PKHD1: variants seen among roughly 807,000 people sequenced by gnomAD.
The protein encoded by PKHD1 is fibrocystin.
In PKHD1, 291 loss-of-function variants were observed where a neutral mutation model predicts 412.0. That is an observed-to-expected ratio of 0.71 (90% CI 0.64 to 0.78). The LOEUF (loss-of-function observed/expected upper bound fraction) is 0.78, where lower values mean the gene tolerates loss of function less well. Ranked by LOEUF, PKHD1 falls within the 30% of genes least tolerant of loss-of-function variation. The pLI is 0.00. For missense variants in PKHD1, 4,825 were observed against 4,950.7 expected (o/e 0.97, Z 0.76); for synonymous variants, 1,777 against 1,821.5 (o/e 0.98, Z 0.62).
At chr6:51,857,004 TGAG>T (rs2151695333) in intron 48 of PKHD1, among the ~76,000 whole-genome samples, 2 of 152,336 alleles carry the variant, frequency 1.3e-5, no homozygotes, top group African/African-American at 4.8e-5. Flanking sequence ...TTTTACCAAA[TGAG>T]GAGACTGAGG....
rs539657745 is a variant in PKHD1, at chr6:51,750,795, G to T, written c.8951-2130C>A. Reference sequence around the variant, plus strand: ...AATAAAGAATTAAGCAATTTTTTTTGAGATGGAGTTTCACTCTGTTACCCA... The same window carrying T: ...AATAAAGAATTAAGCAATTTTTTTTTAGATGGAGTTTCACTCTGTTACCCA... On this transcript the variant is annotated intron_variant, in intron 57 of 66. Coordinates refer to ENST00000371117, the MANE Select transcript of PKHD1 (RefSeq NM_138694.4). Among the ~76,000 whole-genome samples the T allele has an allele frequency of 2.2e-4, 34 of 151,328 alleles. No individual in the cohort carries two copies. In the East Asian group the frequency reaches 5.6e-3, roughly 25 times the overall value.
intron 2 of PKHD1, among the ~76,000 whole-genome samples, chr6:52,084,376 C>G (rs1307849848): frequency 6.6e-6 from 1 of 152,132 alleles, no homozygotes; most frequent in African/African-American, 2.4e-5. Context: ...AGCCCCAAAA[C>G]AAAGGCCATA....
At chr6:51,717,526 T>C (rs1373381412) in intron 60 of PKHD1, among the ~76,000 whole-genome samples, 2 of 152,314 alleles carry the variant, frequency 1.3e-5, no homozygotes, top group East Asian at 1.9e-4. Flanking sequence ...AATATCATTG[T>C]GTTATAGTTG....
At chr6:52,086,384 T>C (rs1812801815) in intron 1 of PKHD1, among the ~76,000 whole-genome samples, 2 of 152,096 alleles carry the variant, frequency 1.3e-5, no homozygotes, top group African/African-American at 4.8e-5. Context: ...GTGCTGGGAT[T>C]ACAGGCATGA....
At chr6:51,934,077 A>G in intron 37 of PKHD1, 33 bp downstream of exon 37, 5 of 1,504,910 alleles carry the variant, frequency 3.3e-6, no homozygotes, top group Non-Finnish European at 4.6e-6. Context: ...ACACAGCTCT[A>G]CTTCATTTCC....
At chr6:51,925,461 G>GTGTA (rs1554140309) in intron 37 of PKHD1, among the ~76,000 whole-genome samples, 115 of 105,464 alleles carry the variant, frequency 1.1e-3, no homozygotes, top group Middle Eastern at 8.9e-3. Context: ...GTGTATGTGT[G>GTGTA]TGTGTGTGTG....
intron 19 of PKHD1, 29 bp from the exon 20 acceptor site, chr6:52,054,194 C>T (rs759843725): frequency 6.2e-7 from 1 of 1,611,118 alleles, no homozygotes; most frequent in Non-Finnish European, 8.5e-7. Flanking sequence ...TCCTTCAGTT[C>T]TATTAGTGCA....
intron 52 of PKHD1, among the ~76,000 whole-genome samples, chr6:51,792,815 C>T (rs1793964694): frequency 1.3e-5 from 2 of 152,174 alleles, no homozygotes; most frequent in African/African-American, 4.8e-5. Context: ...GGCTCCACCA[C>T]TCTCCCTGGG....
At chr6:51,723,354 C>T (rs983799012) in intron 60 of PKHD1, among the ~76,000 whole-genome samples, 3 of 152,148 alleles carry the variant, frequency 2.0e-5, no homozygotes, top group African/African-American at 7.2e-5. Context: ...ACAGAGAAAA[C>T]CTTGTTAGTG....
At chr6:52,055,802 C>T in intron 18 of PKHD1, 73 bp from the exon 19 acceptor site, 1 of 1,506,590 alleles carries the variant, frequency 6.6e-7, no homozygotes, top group Non-Finnish European at 9.1e-7. Flanking sequence ...TACATGTGTG[C>T]ATGAGGATTT....
intron 55 of PKHD1, among the ~76,000 whole-genome samples, chr6:51,766,936 G>A (rs73426048): frequency 0.18 from 27,998 of 151,742 alleles, 3,388 homozygotes; most frequent in African/African-American, 0.34. Flanking sequence ...AGTCTTTACT[G>A]CTTTAAATTA....
rs540417377 is a variant in PKHD1 at position 51,638,872 on chromosome 6, A to C, written c.11483T>G (p.Ile3828Ser). The C allele has an allele frequency of 3.7e-6, 6 of 1,611,216 alleles. 1 individual carries two copies. The highest frequency in any genetic ancestry group is 3.3e-4 in the Middle Eastern group (2 of 6,054). ...VLISGSNWHFIFTVTSPPGVN... is the reference protein window; with the variant it reads ...VLISGSNWHFSFTVTSPPGVN... ...ACCTGGAGGAGAAGTGACAGTAAAA[A>C]TAAAGTGCCAGTTTGACCCAGAGAT... The change falls in exon 64 of 67, where the codon ATT becomes AGT. Residue 3828 changes from isoleucine (I) to serine (S), a missense_variant. By Grantham distance (142) the Ile-to-Ser change is moderately radical. Coordinates refer to ENST00000371117, the MANE Select transcript of PKHD1 (RefSeq NM_138694.4).
intron 60 of PKHD1, among the ~76,000 whole-genome samples, chr6:51,738,003 CCCA>C (rs1188508497): frequency 6.6e-6 from 1 of 151,860 alleles, no homozygotes; most frequent in African/African-American, 2.4e-5. Flanking sequence ...AACTATAAGC[CCCA>C]CGTTTACTTA....
Position 51,735,461 on chromosome 6 carries a change from T to C in PKHD1, c.10156+8924A>G, listed in dbSNP as rs17746323. ...GGCAATTATTATTATTGCTAGTTTG[T>C]TTGGATAATTGCTAGAATAATTGTA... On this transcript the variant is annotated intron_variant, in intron 60 of 66. Transcript: ENST00000371117. Among the ~76,000 whole-genome samples, 684 of 152,326 alleles carry C rather than the reference T, an allele frequency of 4.5e-3. 3 individuals carry two copies. The highest frequency in any genetic ancestry group is 8.0e-3 in the Non-Finnish European group (547 of 68,034).
rs1022527756 is a variant in PKHD1 at position 52,025,372 on chromosome 6, T to C, written c.4438A>G (p.Ile1480Val). 1 of 1,613,230 alleles carries C rather than the reference T, an allele frequency of 6.2e-7. No homozygotes were observed. Among genetic ancestry groups the C allele is most frequent in the Non-Finnish European group, 8.5e-7 (1 of 1,179,268 alleles). ...ATGACAGGACTTGCCTCTTCCCTTATGAAAAGAGTGCAATTCCCCTGACAC... is the reference window on the plus strand; with the variant it reads ...ATGACAGGACTTGCCTCTTCCCTTACGAAAAGAGTGCAATTCCCCTGACAC... ...SECQGNCTLF[I>V]REEASPVMDA... The change falls in exon 32 of 67, where the codon ATA becomes GTA. Residue 1480 changes from isoleucine (I) to valine (V), a missense_variant. Physicochemically the swap from Ile to Val is conservative, Grantham distance 29. Coordinates refer to ENST00000371117, the MANE Select transcript of PKHD1 (RefSeq NM_138694.4).
At chr6:51,826,157 GATC>G (rs765885428) in intron 52 of PKHD1, among the ~76,000 whole-genome samples, 2 of 152,028 alleles carry the variant, frequency 1.3e-5, no homozygotes, top group Non-Finnish European at 2.9e-5. Context: ...AACCTATTAT[GATC>G]TTTTGCAATT....
chr6:51,743,237 G>A (rs1163393408), intron 60 of PKHD1, among the ~76,000 whole-genome samples: 1 of 152,168 alleles, frequency 6.6e-6, no homozygotes, highest in Non-Finnish European at 1.5e-5. Flanking sequence ...TCTAGTGAGA[G>A]ACAATGGTGG....
At chr6:52,078,269 C>T (rs1019242915) in intron 5 of PKHD1, among the ~76,000 whole-genome samples, 2 of 152,102 alleles carry the variant, frequency 1.3e-5, no homozygotes, top group South Asian at 2.1e-4. Flanking sequence ...TGGTCACCCA[C>T]CAGGCTAGAG....
At chr6:51,818,910 G>C (rs1257180312) in intron 52 of PKHD1, among the ~76,000 whole-genome samples, 1 of 152,000 alleles carries the variant, frequency 6.6e-6, no homozygotes, top group Non-Finnish European at 1.5e-5. Flanking sequence ...TGACACCATG[G>C]AACAGATTTT....
Sources: gnomAD v4.1 joint callset for allele counts (sites outside exome capture counted in the v4.1 genomes callset) on GRCh38, gnomAD v4.1.1 for gene constraint, MANE v1.5 for transcripts, NCBI Gene and HGNC (gene_info 2026-07-23, HGNC 2026-07-21) for gene names.